Variants in VPS54 observed in about 807,000 individuals in gnomAD.
VPS54 encodes the protein VPS54 subunit of GARP complex.
A neutral mutation model predicts 121.5 loss-of-function variants in VPS54; 45 were observed. That is an observed-to-expected ratio of 0.37 (90% CI 0.29 to 0.47). The LOEUF is 0.47. VPS54 is among the 20% of genes least tolerant of loss of function. The probability of loss-of-function intolerance (pLI) is 0.99; values close to 1 mark genes in which losing one functional copy is unlikely to be tolerated. For synonymous variants in VPS54, 371 were observed against 385.8 expected (o/e 0.96, Z 0.45); for missense variants, 1,090 against 1,131.4 (o/e 0.96, Z 0.52).
Position 63,919,905 on chromosome 2 carries a change from A to G in VPS54, c.2142T>C (p.Ala714=). The change falls in exon 15 of 23, where the codon GCT becomes GCC. Residue 714 remains alanine (A), a synonymous_variant. Coordinates refer to ENST00000272322, the MANE Select transcript of VPS54 (RefSeq NM_016516.3). ...TACCTCCTGATTTTTTTTCAGGTAA[A>G]GCAATCTTCCCATCTGACAGAGAAT... ...LVDSLSDGKI[A]LPEKKSGATE... 2.5e-6 allele frequency: 4 copies of G among 1,611,034 alleles called. No individual in the cohort carries two copies. Among genetic ancestry groups the G allele is most frequent in the Non-Finnish European group, 3.4e-6 (4 of 1,178,214 alleles).
chr2:63,980,615 T>C (rs549687441), intron 3 of VPS54, among the ~76,000 whole-genome samples: 4 of 152,154 alleles, frequency 2.6e-5, no homozygotes, highest in Non-Finnish European at 5.9e-5. Context: ...TAGGGTTTAT[T>C]GTTAAACCCC....
chr2:63,895,137 T>C (rs965555739), intron 22 of VPS54, among the ~76,000 whole-genome samples: 2 of 152,102 alleles, frequency 1.3e-5, no homozygotes, highest in African/African-American at 2.4e-5. Context: ...TAAAATATCT[T>C]AGAGGAAAAA....
At chr2:64,018,727 C>A (rs1306143763) in intron 1 of VPS54, among the ~76,000 whole-genome samples, 1 of 144,918 alleles carries the variant, frequency 6.9e-6, no homozygotes, top group Non-Finnish European at 1.5e-5. Flanking sequence ...CAGCCCCGAT[C>A]CCGGAGGGAG....
chr2:63,977,226 GTCAATT>G lies in VPS54; in HGVS notation c.378+4414_378+4419del, dbSNP rs1383297778. On this transcript the variant is annotated intron_variant, in intron 3 of 22. Transcript: ENST00000272322. ...TGATTTTCTCTACTGATTTGCTATTGTCAATTTCCCTGATTTCTGCTCTAATTTTTA... is the reference window on the plus strand; with the variant it reads ...TGATTTTCTCTACTGATTTGCTATTGTCCCTGATTTCTGCTCTAATTTTTA... Among the ~76,000 whole-genome samples, 5 of 152,254 alleles carry G rather than the reference GTCAATT, an allele frequency of 3.3e-5. No individual in the cohort carries two copies. In the East Asian group the frequency reaches 9.6e-4, roughly 29 times the overall value.
intron 12 of VPS54, among the ~76,000 whole-genome samples, chr2:63,921,883 A>T (rs1673663550): frequency 6.6e-6 from 1 of 152,244 alleles, no homozygotes; most frequent in Admixed American, 6.5e-5. Flanking sequence ...TGCAGAAACT[A>T]TAGCAAAATT....
At chr2:63,941,753 A>C (rs1674740844) in intron 11 of VPS54, among the ~76,000 whole-genome samples, 2 of 152,080 alleles carry the variant, frequency 1.3e-5, no homozygotes, top group South Asian at 4.1e-4. Flanking sequence ...GAATATTAGC[A>C]GCCAGGCACA....
At chr2:63,927,269 A>G (rs1673952369) in intron 12 of VPS54, among the ~76,000 whole-genome samples, 1 of 152,044 alleles carries the variant, frequency 6.6e-6, no homozygotes, top group Non-Finnish European at 1.5e-5. Flanking sequence ...GCCGACAGAC[A>G]CCTCATACAG....
intron 10 of VPS54, 93 bp downstream of exon 10, chr2:63,944,507 A>AAG: frequency 7.9e-7 from 1 of 1,259,400 alleles, no homozygotes; most frequent in Non-Finnish European, 1.1e-6. Context: ...CTTAGTAAAT[A>AAG]ATTCCTTAAC....
At chr2:63,987,540 T>A (rs1284567023) in intron 1 of VPS54, among the ~76,000 whole-genome samples, 4 of 152,188 alleles carry the variant, frequency 2.6e-5, no homozygotes, top group African/African-American at 9.6e-5. Flanking sequence ...AATTTCAAGA[T>A]TGTTTTTTCT....
At chr2:63,916,259 G>C (rs1673373963) in intron 16 of VPS54, among the ~76,000 whole-genome samples, 1 of 152,108 alleles carries the variant, frequency 6.6e-6, no homozygotes, top group African/African-American at 2.4e-5. Flanking sequence ...TAAAGCATAT[G>C]AAGATATATT....
intron 1 of VPS54, among the ~76,000 whole-genome samples, chr2:63,993,776 T>A (rs147908458): frequency 6.6e-6 from 1 of 152,234 alleles, no homozygotes; most frequent in African/African-American, 2.4e-5. Context: ...GGTCCCTCGA[T>A]TGACCAAAGA....
chr2:63,923,392 A>T (rs1307564983), intron 12 of VPS54, among the ~76,000 whole-genome samples: 1 of 152,204 alleles, frequency 6.6e-6, no homozygotes, highest in African/African-American at 2.4e-5. Flanking sequence ...AACGAATTCA[A>T]ACATAATCCA....
At chr2:63,960,774 A>C (rs1323154631) in intron 7 of VPS54, among the ~76,000 whole-genome samples, 1 of 152,230 alleles carries the variant, frequency 6.6e-6, no homozygotes, top group Non-Finnish European at 1.5e-5. Flanking sequence ...AATCCTTATA[A>C]TTTCAAAGGT....
At chr2:63,997,919 TTTC>T (rs1411869201) in intron 1 of VPS54, among the ~76,000 whole-genome samples, 1 of 152,126 alleles carries the variant, frequency 6.6e-6, no homozygotes, top group African/African-American at 2.4e-5. Flanking sequence ...AATTTTTCAA[TTTC>T]TTAATTTCTT....
intron 9 of VPS54, among the ~76,000 whole-genome samples, chr2:63,946,620 A>G (rs11676710): frequency 0.15 from 22,660 of 152,036 alleles, 1,956 homozygotes; most frequent in Middle Eastern, 0.2. Flanking sequence ...TAAGCCTAAT[A>G]AATACCTTTA....
intron 12 of VPS54, among the ~76,000 whole-genome samples, chr2:63,932,445 G>A (rs1336623188): frequency 1.3e-5 from 2 of 152,062 alleles, no homozygotes; most frequent in East Asian, 3.9e-4. Flanking sequence ...CTCATAAGTG[G>A]GAGCTGAACA....
At chr2:63,949,355 C>G (rs976796009) in intron 7 of VPS54, among the ~76,000 whole-genome samples, 192 bp from the exon 8 acceptor site, 12 of 152,118 alleles carry the variant, frequency 7.9e-5, no homozygotes. Flanking sequence ...TTCCATTTTT[C>G]TCTTTACAGT....
At chr2:63,934,034 C>A (rs1435847667) in intron 11 of VPS54, 21 bp from the exon 12 acceptor site, 29 of 1,586,786 alleles carry the variant, frequency 1.8e-5, no homozygotes, top group Non-Finnish European at 2.3e-5. Context: ...ATAGGACACA[C>A]TTTTAAGGGA....
intron 3 of VPS54, among the ~76,000 whole-genome samples, chr2:63,978,931 T>C (rs767342059): frequency 7.9e-5 from 12 of 152,174 alleles, no homozygotes; most frequent in Admixed American, 1.3e-4. Context: ...GATTATCTAT[T>C]TTTTCTCGAA....
Sources: gnomAD v4.1 joint callset for allele counts (sites outside exome capture counted in the v4.1 genomes callset) on GRCh38, gnomAD v4.1.1 for gene constraint, MANE v1.5 for transcripts, NCBI Gene and HGNC (gene_info 2026-07-23, HGNC 2026-07-21) for gene names.